EGFR: variants seen among roughly 807,000 people sequenced by gnomAD.
EGFR encodes epidermal growth factor receptor, also known as avian erythroblastic leukemia viral (v-erb-b) oncogene homolog.
In EGFR, 58 loss-of-function variants were observed where a neutral mutation model predicts 143.0. The observed-to-expected ratio is 0.41, with a 90% CI of 0.33 to 0.50. EGFR has a LOEUF of 0.50. Among genes scored for constraint, EGFR ranks in the 20% least tolerant of loss-of-function variants. EGFR has a pLI of 0.39. For missense variants in EGFR, 1,307 were observed against 1,579.0 expected (o/e 0.83, Z 2.92); for synonymous variants, 613 against 594.4 (o/e 1.03, Z -0.45).
intron 10 of EGFR, 37 bp from the exon 11 acceptor site, chr7:55,157,626 C>A (rs1162041382): frequency 6.4e-7 from 1 of 1,570,128 alleles, no homozygotes; most frequent in South Asian, 1.1e-5. Context: ...GAAACTCCTA[C>A]GTGGTGTGTG....
At chr7:55,153,475 T>C (rs1380138951) in intron 6 of EGFR, among the ~76,000 whole-genome samples, 2 of 152,190 alleles carry the variant, frequency 1.3e-5, no homozygotes, top group African/African-American at 4.8e-5. Context: ...GACCCAGGAA[T>C]TGTGACTTGG....
chr7:55,168,475 T>A (rs979409728), intron 15 of EGFR: 8 of 1,094,400 alleles, frequency 7.3e-6, no homozygotes, highest in Admixed American at 1.7e-5. Context: ...AGATTTAAAT[T>A]AAAAATGTTA....
At chr7:55,198,596 A>G in intron 22 of EGFR, 121 bp from the exon 23 acceptor site, 4 of 1,497,138 alleles carry the variant, frequency 2.7e-6, no homozygotes, top group Non-Finnish European at 3.7e-6. Context: ...ATTGCCCAAG[A>G]CTACAGAAAT....
rs754259847 is a variant in EGFR at position 55,019,299 on chromosome 7, G to A, written c.22G>A (p.Gly8Arg). Reference sequence around the variant, plus strand: ...AGCGATGCGACCCTCCGGGACGGCCGGGGCAGCGCTCCTGGCGCTGCTGGC... The same window carrying A: ...AGCGATGCGACCCTCCGGGACGGCCAGGGCAGCGCTCCTGGCGCTGCTGGC... MRPSGTAGAALLALLAAL... is the reference protein window; with the variant it reads MRPSGTARAALLALLAAL... Residue 8 changes from glycine (G) to arginine (R), a missense_variant, in exon 1 of 28, where the codon GGG becomes AGG. By Grantham distance (125) the Gly-to-Arg change is moderately radical. Coordinates refer to ENST00000275493, the MANE Select transcript of EGFR (RefSeq NM_005228.5). The A allele has an allele frequency of 3.3e-6, 5 of 1,512,438 alleles. No individual in the cohort carries two copies. In the Admixed American group the frequency reaches 9.7e-5, roughly 29 times the overall value. 93.7% of individuals were successfully genotyped at this position (1,512,438 alleles called of 1,614,324 possible).
chr7:55,163,845 C>T (rs546930689), intron 14 of EGFR, 22 bp downstream of exon 14: 1 of 1,612,880 alleles, frequency 6.2e-7, no homozygotes, highest in East Asian at 2.2e-5. Flanking sequence ...TTGCTGCTAT[C>T]CACGTCCATT....
At chr7:55,162,377 A>C (rs1304494852) in intron 13 of EGFR, among the ~76,000 whole-genome samples, 1 of 152,266 alleles carries the variant, frequency 6.6e-6, no homozygotes, top group Non-Finnish European at 1.5e-5. Flanking sequence ...CTCTCTGGGC[A>C]TGGACCACAG....
intron 4 of EGFR, 122 bp downstream of exon 4, chr7:55,146,862 A>T: frequency 7.2e-7 from 1 of 1,380,528 alleles, no homozygotes. Flanking sequence ...AAAAGTAGTA[A>T]GCAAAATATC....
chr7:55,064,914 T>C (rs761725072), intron 1 of EGFR, among the ~76,000 whole-genome samples: 4 of 152,202 alleles, frequency 2.6e-5, no homozygotes, highest in Admixed American at 6.5e-5. Context: ...GAGATGGGCA[T>C]GTCCCTGCAT....
chr7:55,131,182 C>T (rs987737267), intron 1 of EGFR, among the ~76,000 whole-genome samples: 2 of 152,156 alleles, frequency 1.3e-5, no homozygotes, highest in African/African-American at 4.8e-5. Flanking sequence ...GGATTCCAAA[C>T]CATGGACTCC....
intron 1 of EGFR, among the ~76,000 whole-genome samples, chr7:55,095,214 C>T (rs1377770783): frequency 1.3e-5 from 2 of 152,210 alleles, no homozygotes; most frequent in South Asian, 2.1e-4. Context: ...GTCACCTTCC[C>T]TCTTCTCTGC....
At chr7:55,193,454 C>G (rs1787488600) in intron 22 of EGFR, among the ~76,000 whole-genome samples, 1 of 152,184 alleles carries the variant, frequency 6.6e-6, no homozygotes, top group Non-Finnish European at 1.5e-5. Flanking sequence ...GGCCGCTCTC[C>G]TCACCCGGCC....
chr7:55,040,074 T>C (rs1171788481), intron 1 of EGFR, among the ~76,000 whole-genome samples: 1 of 152,156 alleles, frequency 6.6e-6, no homozygotes, highest in Non-Finnish European at 1.5e-5. Flanking sequence ...CACTGTGCTT[T>C]GCTGTGGATT....
chr7:55,097,043 C>T (rs1382736980), intron 1 of EGFR, among the ~76,000 whole-genome samples: 1 of 152,178 alleles, frequency 6.6e-6, no homozygotes, highest in Non-Finnish European at 1.5e-5. Flanking sequence ...TTGTGGCTTG[C>T]CCGAGGCTGC....
chr7:55,055,471 C>T (rs1027129609), intron 1 of EGFR, among the ~76,000 whole-genome samples: 4 of 152,160 alleles, frequency 2.6e-5, no homozygotes, highest in African/African-American at 9.7e-5. Context: ...CGAACATGTG[C>T]GCATTCAGTG....
intron 15 of EGFR, chr7:55,170,676 A>C: frequency 6.3e-7 from 1 of 1,587,170 alleles, no homozygotes; most frequent in East Asian, 2.2e-5. Context: ...TCTCACCCCA[A>C]CTAGTAGCTA....
chr7:55,037,610 A>C (rs1787666481), intron 1 of EGFR, among the ~76,000 whole-genome samples: 1 of 152,168 alleles, frequency 6.6e-6, no homozygotes, highest in South Asian at 2.1e-4. Flanking sequence ...CAAGCCTCAC[A>C]CTTCTATGCT....
intron 19 of EGFR, chr7:55,180,717 A>C (rs1786821132): frequency 6.0e-6 from 1 of 166,118 alleles, no homozygotes; most frequent in African/African-American, 2.4e-5. Context: ...ATGCCCACCC[A>C]TTTCCCAGAG....
intron 1 of EGFR, among the ~76,000 whole-genome samples, chr7:55,128,028 C>T (rs1793630166): frequency 6.6e-6 from 1 of 152,186 alleles, no homozygotes. Context: ...AAAACAAAGG[C>T]TTCCCATCCT....
At position 55,142,406 on chromosome 7, in the gene EGFR, T is replaced by G. The variant is rs1794510106; in HGVS notation, c.209T>G (p.Val70Gly). ...VVLGNLEITY[V>G]QRNYDLSFLK... ...CTTGGGAATTTGGAAATTACCTATGTGCAGAGGAATTATGATCTTTCCTTC... is the reference window on the plus strand; with the variant it reads ...CTTGGGAATTTGGAAATTACCTATGGGCAGAGGAATTATGATCTTTCCTTC... The change falls in exon 2 of 28, where the codon GTG (valine) becomes GGG (glycine). Residue 70 changes from valine (V) to glycine (G), a missense_variant. Val to Gly is a moderately radical substitution (Grantham distance 109). Transcript: ENST00000275493. 1.2e-6 allele frequency: 2 copies of G among 1,614,094 alleles called. No individual in the cohort carries two copies. The highest frequency in any genetic ancestry group is 2.7e-5 in the African/African-American group (2 of 74,934).
Sources: gnomAD v4.1 joint callset for allele counts (sites outside exome capture counted in the v4.1 genomes callset) on GRCh38, gnomAD v4.1.1 for gene constraint, MANE v1.5 for transcripts, NCBI Gene and HGNC (gene_info 2026-07-23, HGNC 2026-07-21) for gene names.